The following NAA60 variants were observed in gnomAD, a reference collection of about 807,000 sequenced individuals.
The protein encoded by NAA60 is N-alpha-acetyltransferase 60.
NAA60 carries 8 observed loss-of-function variants against 26.1 expected under a neutral mutation model. That is an observed-to-expected ratio of 0.31 (90% CI 0.18 to 0.55). The LOEUF is 0.55. Among genes scored for constraint, NAA60 ranks in the 20% least tolerant of loss-of-function variants. The probability of loss-of-function intolerance (pLI) is 0.93; values close to 1 mark genes in which losing one functional copy is unlikely to be tolerated. For missense variants in NAA60, 290 were observed against 311.3 expected, an observed-to-expected ratio of 0.93 and a Z score of 0.51; for synonymous variants, 131 against 122.5, an observed-to-expected ratio of 1.07 and a Z score of -0.46.
chr16:3,451,180 C>G (rs1359166141), intron 2 of NAA60, among the ~76,000 whole-genome samples: 1 of 152,106 alleles, frequency 6.6e-6, no homozygotes, highest in Non-Finnish European at 1.5e-5. Flanking sequence ...CCATTTGTAC[C>G]CAGAATGGGG....
intron 2 of NAA60, among the ~76,000 whole-genome samples, chr16:3,451,380 T>A (rs1265274819): frequency 6.6e-6 from 1 of 152,226 alleles, no homozygotes; most frequent in East Asian, 1.9e-4. Context: ...TTTTCACCAA[T>A]GTATCCTTTT....
At chr16:3,481,136 T>A (rs994941322) in intron 4 of NAA60, among the ~76,000 whole-genome samples, 8 of 152,134 alleles carry the variant, frequency 5.3e-5, no homozygotes, top group Non-Finnish European at 8.8e-5. Context: ...CTTTTTTTTT[T>A]ATTGAAACGG....
At chr16:3,460,189 C>T (rs990053349) in intron 2 of NAA60, among the ~76,000 whole-genome samples, 5 of 152,168 alleles carry the variant, frequency 3.3e-5, no homozygotes, top group African/African-American at 1.2e-4. Flanking sequence ...CCAGAGGTCC[C>T]ATTTGCTTGG....
intron 3 of NAA60, among the ~76,000 whole-genome samples, chr16:3,477,270 G>C (rs2036541919): frequency 6.6e-6 from 1 of 152,184 alleles, no homozygotes; most frequent in South Asian, 2.1e-4. Flanking sequence ...CTTCTTGTCT[G>C]TCTTGCCTAC....
intron 2 of NAA60, chr16:3,467,670 C>A (rs561643709): frequency 6.6e-6 from 1 of 152,162 alleles, no homozygotes; most frequent in East Asian, 2.0e-4. Context: ...CATTCTGTGT[C>A]CCCCAGATTC....
At chr16:3,481,474 G>T (rs960787637) in intron 4 of NAA60, among the ~76,000 whole-genome samples, 1 of 151,850 alleles carries the variant, frequency 6.6e-6, no homozygotes, top group East Asian at 1.9e-4. Context: ...TGGCTTTCCT[G>T]AGTGCCCCCT....
At chr16:3,462,172 T>A (rs2035453480) in intron 2 of NAA60, among the ~76,000 whole-genome samples, 1 of 152,114 alleles carries the variant, frequency 6.6e-6, no homozygotes, top group Non-Finnish European at 1.5e-5. Flanking sequence ...TCTCTTTTTT[T>A]GTTTACTGTA....
chr16:3,450,915 C>T (rs1430453128), intron 2 of NAA60, among the ~76,000 whole-genome samples: 1 of 152,138 alleles, frequency 6.6e-6, no homozygotes, highest in Admixed American at 6.6e-5. Context: ...ACTGAACTTT[C>T]AAGGCCATTG....
At chr16:3,445,405 C>G (rs888936744) in intron 1 of NAA60, among the ~76,000 whole-genome samples, 2 of 151,380 alleles carry the variant, frequency 1.3e-5, no homozygotes, top group Admixed American at 1.3e-4. Context: ...TCCTGAGTAG[C>G]TGGGACTACA....
intron 2 of NAA60, among the ~76,000 whole-genome samples, chr16:3,457,528 C>T (rs904953176): frequency 6.6e-5 from 10 of 152,258 alleles, no homozygotes; most frequent in African/African-American, 2.4e-4. Context: ...TACTCAGGGA[C>T]AGCCCTAAAC....
At chr16:3,476,370 C>T in intron 3 of NAA60, 33 bp downstream of exon 3, 2 of 1,576,918 alleles carry the variant, frequency 1.3e-6, no homozygotes, top group Non-Finnish European at 1.7e-6. Flanking sequence ...TTGGGGAGAG[C>T]CCGTGAGCCT....
rs1170527009 is a variant in NAA60, at chr16:3,486,027, A to T, written c.*767A>T. ...CCTGCTGAGGACAGGCATCGCCGAG[A>T]CTCCTTGGGTCCTCCCCGCCCTCCC... On this transcript the variant is annotated 3_prime_UTR_variant, in exon 8 of 8. Coordinates refer to ENST00000407558, the MANE Select transcript of NAA60 (RefSeq NM_001083601.3). 1 of 222,996 alleles carries T rather than the reference A, an allele frequency of 4.5e-6. No homozygotes were observed. The highest frequency in any genetic ancestry group is 9.2e-6 in the Non-Finnish European group (1 of 108,414). The allele number at this position is 222,996 out of a possible 1,614,324, so 13.8% of individuals were successfully genotyped here.
rs545210418 is a variant in NAA60, at chr16:3,482,899, C to T, written c.337+301C>T. Reference sequence around the variant, plus strand: ...TGGCACCTCTCACTTCTGCTGCCGCCACACGCACAACTCGTGTATTCACTG... The same window carrying T: ...TGGCACCTCTCACTTCTGCTGCCGCTACACGCACAACTCGTGTATTCACTG... On this transcript the variant is annotated intron_variant, in intron 5 of 7. Transcript: ENST00000407558. The T allele has an allele frequency of 9.0e-4, 475 of 525,954 alleles. 8 individuals are homozygous for T. In the South Asian group the frequency reaches 9.8e-3, roughly 11 times the overall value. 32.6% of individuals were successfully genotyped at this position (525,954 alleles called of 1,614,324 possible).
intron 2 of NAA60, among the ~76,000 whole-genome samples, chr16:3,461,683 T>C (rs2035404825): frequency 6.6e-6 from 1 of 152,188 alleles, no homozygotes; most frequent in Non-Finnish European, 1.5e-5. Flanking sequence ...AACAAAGATT[T>C]AAAGTTGCAA....
chr16:3,467,359 T>G (rs1408531337), intron 2 of NAA60, among the ~76,000 whole-genome samples: 1 of 152,008 alleles, frequency 6.6e-6, no homozygotes, highest in Non-Finnish European at 1.5e-5. Flanking sequence ...CAGGGCAGTG[T>G]GGCCATGGCC....
intron 2 of NAA60, among the ~76,000 whole-genome samples, chr16:3,465,703 G>A (rs917227425): frequency 6.6e-6 from 1 of 152,154 alleles, no homozygotes; most frequent in East Asian, 1.9e-4. Context: ...GCTCAGCCCA[G>A]GGGATGGCAC....
At chr16:3,447,443 T>C in intron 1 of NAA60, 22 of 985,110 alleles carry the variant, frequency 2.2e-5, no homozygotes, top group Non-Finnish European at 2.7e-5. Flanking sequence ...ATTTCCAGAA[T>C]GAATTGCTCA....
chr16:3,481,561 G>A (rs1048412862), intron 4 of NAA60, among the ~76,000 whole-genome samples: 10 of 152,186 alleles, frequency 6.6e-5, no homozygotes, highest in Non-Finnish European at 1.2e-4. Flanking sequence ...CCTCGAGGCC[G>A]ACATGGGGAC....
At chr16:3,457,721 A>G (rs2035068727) in intron 2 of NAA60, among the ~76,000 whole-genome samples, 2 of 152,032 alleles carry the variant, frequency 1.3e-5, no homozygotes, top group African/African-American at 4.8e-5. Flanking sequence ...CGGGGGGGCC[A>G]CTCGGTAGAG....
Sources: allele counts gnomAD v4.1 joint callset (sites outside exome capture counted in the v4.1 genomes callset), GRCh38; gene constraint gnomAD v4.1.1; transcripts MANE v1.5; gene names NCBI Gene and HGNC (gene_info 2026-07-23, HGNC 2026-07-21).